The following ACER2 variants were observed in gnomAD, a reference collection of about 807,000 sequenced individuals.
ACER2 encodes alkaline ceramidase 2, also known as alkCDase 2.
A neutral mutation model predicts 34.7 loss-of-function variants in ACER2; 26 were observed. The ratio of observed to expected loss-of-function variants is 0.75; its 90% CI spans 0.55 to 1.04. The LOEUF (loss-of-function observed/expected upper bound fraction) is 1.04, where lower values mean the gene tolerates loss of function less well. Among genes scored for constraint, ACER2 ranks in the 50% least tolerant of loss-of-function variants. ACER2 has a pLI of 0.00. For missense variants in ACER2, 352 were observed against 340.8 expected (o/e 1.03, Z -0.26); for synonymous variants, 138 against 132.1 (o/e 1.04, Z -0.31).
intron 4 of ACER2, among the ~76,000 whole-genome samples, chr9:19,442,083 A>G (rs1831173795): frequency 6.6e-6 from 1 of 152,204 alleles, no homozygotes; most frequent in Non-Finnish European, 1.5e-5. Flanking sequence ...CCCTTAGACC[A>G]TGAGAAAACA....
intron 5 of ACER2, among the ~76,000 whole-genome samples, chr9:19,447,622 T>C (rs1366576664): frequency 6.6e-6 from 1 of 152,200 alleles, no homozygotes; most frequent in Non-Finnish European, 1.5e-5. Context: ...GAGAAATGTA[T>C]ACACTAGGTA....
intron 1 of ACER2, among the ~76,000 whole-genome samples, chr9:19,412,817 T>C (rs539756692): frequency 6.6e-6 from 1 of 152,352 alleles, no homozygotes; most frequent in Admixed American, 6.5e-5. Flanking sequence ...TCTTCCTGTT[T>C]ATAATGTTTA....
intron 3 of ACER2, among the ~76,000 whole-genome samples, chr9:19,432,898 C>G (rs1830802724): frequency 1.3e-5 from 2 of 151,200 alleles, no homozygotes; most frequent in Admixed American, 6.6e-5. Flanking sequence ...CCAGCCCAAA[C>G]CCAAAAACCC....
intron 3 of ACER2, among the ~76,000 whole-genome samples, chr9:19,428,043 C>A (rs1197793756): frequency 1.6e-5 from 2 of 128,378 alleles, no homozygotes; most frequent in Non-Finnish European, 1.7e-5. Flanking sequence ...CTTTCCTTTC[C>A]TTTCCTTTCC....
intron 5 of ACER2, 29 bp downstream of exon 5, chr9:19,446,447 G>A (rs751585287): frequency 9.3e-6 from 15 of 1,613,360 alleles, no homozygotes; most frequent in Admixed American, 6.7e-5. Context: ...GGAGGTGGCC[G>A]GGGACAGGTG....
chr9:19,412,967 T>C (rs1830130068), intron 1 of ACER2, among the ~76,000 whole-genome samples: 1 of 152,340 alleles, frequency 6.6e-6, no homozygotes, highest in East Asian at 1.9e-4. Flanking sequence ...TCCTCATTCA[T>C]GCATCTGGAT....
intron 1 of ACER2, among the ~76,000 whole-genome samples, chr9:19,419,912 C>G (rs1830350930): frequency 2.0e-5 from 3 of 152,202 alleles, no homozygotes; most frequent in Admixed American, 2.0e-4. Context: ...GACCAAGGAT[C>G]TTTTTCTCCT....
Position 19,450,606 on chromosome 9 carries a change from C to T in ACER2, c.798C>T (p.Ala266=). Residue 266 remains alanine (A), a synonymous_variant, in exon 6 of 6, where the codon GCC becomes GCT. Transcript: ENST00000340967. ...TCCCCTATGTGTCCCTCCTGTGTGC[C>T]AACAAGAAATCATCAGTCAAGATCA... The part of the protein sequence containing the change: ...IGVPYVSLLC[A]NKKSSVKIT 3 of 1,580,150 alleles carry T rather than the reference C, an allele frequency of 1.9e-6. No individual in the cohort carries two copies. Among genetic ancestry groups the T allele is most frequent in the Non-Finnish European group, 2.6e-6 (3 of 1,153,024 alleles).
rs184023873 is a variant in ACER2, at chr9:19,452,271, G to A, written c.*1635G>A. On this transcript the variant is annotated 3_prime_UTR_variant, in exon 6 of 6. Coordinates refer to ENST00000340967, the MANE Select transcript of ACER2 (RefSeq NM_001010887.3). ...CATATGTAAGAGTTGGGAAGGTGAC[G>A]ATTTTTGACACATCCAGGAACTCTT... Among the ~76,000 whole-genome samples, 336 of 152,274 alleles carry A rather than the reference G, an allele frequency of 2.2e-3. No individual in the cohort carries two copies. Among genetic ancestry groups the A allele is most frequent in the Non-Finnish European group, 3.7e-3 (249 of 68,020 alleles).
chr9:19,443,096 T>C (rs1282699003), intron 4 of ACER2, among the ~76,000 whole-genome samples: 3 of 152,218 alleles, frequency 2.0e-5, no homozygotes, highest in Admixed American at 2.0e-4. Flanking sequence ...AGTGGCGCGA[T>C]CTCGGCTCAC....
At chr9:19,420,412 T>C (rs893238285) in intron 1 of ACER2, among the ~76,000 whole-genome samples, 12 of 152,208 alleles carry the variant, frequency 7.9e-5, no homozygotes, top group Admixed American at 1.3e-4. Context: ...TTCTCTGTGC[T>C]CAGTCCTGTA....
At chr9:19,434,900 CAAG>C in intron 3 of ACER2, 44 bp from the exon 4 acceptor site, 1 of 1,607,534 alleles carries the variant, frequency 6.2e-7, no homozygotes, top group Non-Finnish European at 8.5e-7. Flanking sequence ...AACAAACAAA[CAAG>C]AACTCCTTTT....
intron 3 of ACER2, among the ~76,000 whole-genome samples, chr9:19,433,991 G>T (rs1830854775): frequency 6.6e-6 from 1 of 151,772 alleles, no homozygotes; most frequent in African/African-American, 2.4e-5. Context: ...TGGCTGCCGG[G>T]CGGAGACGCT....
intron 5 of ACER2, 38 bp from the exon 6 acceptor site, chr9:19,450,412 A>G (rs1415533846): frequency 1.3e-6 from 2 of 1,541,906 alleles, no homozygotes; most frequent in East Asian, 2.3e-5. Flanking sequence ...CGGAGTCTTC[A>G]TGCTCATCAG....
intron 4 of ACER2, among the ~76,000 whole-genome samples, chr9:19,444,042 C>G (rs1330634879): frequency 6.6e-6 from 1 of 151,676 alleles, no homozygotes; most frequent in Non-Finnish European, 1.5e-5. Context: ...GCAGGGTGCC[C>G]TGAGAGAATG....
intron 4 of ACER2, among the ~76,000 whole-genome samples, chr9:19,442,634 C>T (rs1831193995): frequency 6.6e-6 from 1 of 152,220 alleles, no homozygotes; most frequent in Non-Finnish European, 1.5e-5. Context: ...CATTGCTCTC[C>T]GTTCTGGTGT....
Position 19,451,110 on chromosome 9 carries a change from T to C in ACER2, c.*474T>C, listed in dbSNP as rs1479294657. ...TTCTCAGCATCACTTCCAGATGCAG[T>C]GACTTGTTGGGCTGCGTCCTTAATG... On this transcript the variant is annotated 3_prime_UTR_variant, in exon 6 of 6. Transcript: ENST00000340967. 1 of 153,170 alleles carries C rather than the reference T, an allele frequency of 6.5e-6. No individual in the cohort carries two copies. Among genetic ancestry groups the C allele is most frequent in the African/African-American group, 2.4e-5 (1 of 41,448 alleles). 9.5% of individuals were successfully genotyped at this position (153,170 alleles called of 1,614,324 possible). A position where few individuals can be genotyped will look rare whatever the true frequency, so the allele number is the denominator to read the frequency against.
intron 4 of ACER2, among the ~76,000 whole-genome samples, chr9:19,442,999 A>G (rs1277978377): frequency 6.6e-6 from 1 of 151,442 alleles, no homozygotes; most frequent in Non-Finnish European, 1.5e-5. Context: ...TGCCCGGCTA[A>G]TTTATTGTAT....
intron 3 of ACER2, among the ~76,000 whole-genome samples, chr9:19,426,466 T>C (rs7039309): frequency 0.73 from 108,703 of 148,432 alleles, 40,439 homozygotes; most frequent in African/African-American, 0.86. Flanking sequence ...CCAGTCACCA[T>C]GATGCTTTCT....
Sources: gnomAD v4.1 joint callset for allele counts (sites outside exome capture counted in the v4.1 genomes callset) on GRCh38, gnomAD v4.1.1 for gene constraint, MANE v1.5 for transcripts, NCBI Gene and HGNC (gene_info 2026-07-23, HGNC 2026-07-21) for gene names.